The following ST8SIA5 variants were observed in gnomAD, a reference collection of about 807,000 sequenced individuals.
ST8SIA5 encodes alpha-2,8-sialyltransferase 8E.
A neutral mutation model predicts 40.2 loss-of-function variants in ST8SIA5; 24 were observed. The observed-to-expected ratio is 0.60, with a 90% CI of 0.43 to 0.84. The LOEUF (loss-of-function observed/expected upper bound fraction) is 0.84, where lower values mean the gene tolerates loss of function less well. ST8SIA5 is among the 40% of genes least tolerant of loss of function. The probability of loss-of-function intolerance (pLI) is 0.00; values close to 1 mark genes in which losing one functional copy is unlikely to be tolerated. For missense variants in ST8SIA5, 465 were observed against 498.5 expected (o/e 0.93, Z 0.64); for synonymous variants, 198 against 201.8 (o/e 0.98, Z 0.16).
At chr18:46,733,845 T>G (rs1036026405) in intron 1 of ST8SIA5, among the ~76,000 whole-genome samples, 1 of 152,082 alleles carries the variant, frequency 6.6e-6, no homozygotes, top group Non-Finnish European at 1.5e-5. Flanking sequence ...GGGCATCAGT[T>G]CATGGAAGAA....
At chr18:46,707,847 A>G (rs1289197386) in intron 1 of ST8SIA5, among the ~76,000 whole-genome samples, 3 of 152,292 alleles carry the variant, frequency 2.0e-5, no homozygotes, top group Non-Finnish European at 4.4e-5. Context: ...GCTGTTTATG[A>G]ACCAGGAAGT....
At position 46,674,667 on chromosome 18, in the gene ST8SIA5, GAC is replaced by G. The variant is rs1381236682; in HGVS notation, c.*5373_*5374del. On this transcript the variant is annotated 3_prime_UTR_variant, in exon 7 of 7. Transcript: ENST00000315087. ...GGGAGAAGGCAAACCTTCTATCAAG[GAC>G]ACACGGGCCCTTATGCTGTGTGCTG... 1 of 152,242 alleles carries G rather than the reference GAC, an allele frequency of 6.6e-6. No homozygotes were observed. The highest frequency in any genetic ancestry group is 1.5e-5 in the Non-Finnish European group (1 of 68,068). 9.4% of individuals were successfully genotyped at this position (152,242 alleles called of 1,614,324 possible).
At chr18:46,693,823 G>A (rs328114) in intron 2 of ST8SIA5, among the ~76,000 whole-genome samples, 32,934 of 152,074 alleles carry the variant, frequency 0.22, 4,067 homozygotes, top group Middle Eastern at 0.29. Context: ...TCTTTCAGCA[G>A]TGCCTAAGCT....
chr18:46,706,776 T>A (rs984458833), intron 1 of ST8SIA5, among the ~76,000 whole-genome samples: 1 of 152,174 alleles, frequency 6.6e-6, no homozygotes, highest in Non-Finnish European at 1.5e-5. Flanking sequence ...AGGGGAAGAA[T>A]GGCAAGGCTC....
chr18:46,682,825 A>T (rs1451030620), intron 5 of ST8SIA5, among the ~76,000 whole-genome samples: 8 of 152,306 alleles, frequency 5.3e-5, no homozygotes, highest in Admixed American at 2.0e-4. Context: ...AGAGAAAGAG[A>T]CTGAAAGATA....
rs1179535315 is a variant in ST8SIA5, at chr18:46,679,002, G to A, written c.*1040C>T. ...AGCCTCAGTGATGCTGGTGTCGGAG[G>A]CCACAACTCGTTTCTCTCTGCTAAG... On this transcript the variant is annotated 3_prime_UTR_variant, in exon 7 of 7. Coordinates refer to ENST00000315087, the MANE Select transcript of ST8SIA5 (RefSeq NM_013305.6). 3 of 152,288 alleles carry A rather than the reference G, an allele frequency of 2.0e-5. No homozygotes were observed. The highest frequency in any genetic ancestry group is 6.5e-5 in the Admixed American group (1 of 15,282). 9.4% of individuals were successfully genotyped at this position (152,288 alleles called of 1,614,324 possible).
At chr18:46,756,253 G>A in intron 1 of ST8SIA5, 125 bp downstream of exon 1, 1 of 1,378,368 alleles carries the variant, frequency 7.3e-7, no homozygotes, top group Non-Finnish European at 9.7e-7. Flanking sequence ...GCCATGCTCG[G>A]GGCTAGGAGC....
At chr18:46,683,215 C>A (rs1278666860) in intron 5 of ST8SIA5, among the ~76,000 whole-genome samples, 1 of 152,102 alleles carries the variant, frequency 6.6e-6, no homozygotes, top group East Asian at 1.9e-4. Context: ...AAGGAGCACA[C>A]CAGTTGATAC....
At position 46,704,593 on chromosome 18, in the gene ST8SIA5, A is replaced by C. The variant is rs1373497121; in HGVS notation, c.203T>G (p.Leu68Trp). The change falls in exon 2 of 7, where the codon TTG becomes TGG. Residue 68 changes from leucine (L) to tryptophan (W), a missense_variant. Physicochemically the swap from Leu to Trp is moderately conservative, Grantham distance 61. Transcript: ENST00000315087. ...TRCLELRHEI[L>W]EVKVLSMVKQ... Reference sequence around the variant, plus strand: ...TCACATGGACAGCACCTTCACTTCCAATATTTCGTGCCTCAGCTCCAGGCA... The same window carrying C: ...TCACATGGACAGCACCTTCACTTCCCATATTTCGTGCCTCAGCTCCAGGCA... 2 of 1,612,822 alleles carry C rather than the reference A, an allele frequency of 1.2e-6. No homozygotes were observed. The highest frequency in any genetic ancestry group is 1.7e-6 in the Non-Finnish European group (2 of 1,179,848).
rs1282774002 is a variant in ST8SIA5 at position 46,682,029 on chromosome 18, A to G, written c.605T>C (p.Met202Thr). 1 of 1,611,416 alleles carries G rather than the reference A, an allele frequency of 6.2e-7. No homozygotes were observed. The highest frequency in any genetic ancestry group is 8.5e-7 in the Non-Finnish European group (1 of 1,178,990). Residue 202 changes from methionine to threonine, a missense_variant, in exon 6 of 7, where the codon ATG (methionine) becomes ACG (threonine). Coordinates refer to ENST00000315087, the MANE Select transcript of ST8SIA5 (RefSeq NM_013305.6). The stretch of plus-strand genomic sequence containing the variant: ...CACATCCGTCTTCACCCCCACATCC[A>G]TGGTGTACTTCTCTGAGATGGGGGG... Reference protein sequence around the residue: ...NLPPISEKYTMDVGVKTDVVT... With the variant: ...NLPPISEKYTTDVGVKTDVVT...
At chr18:46,747,874 T>C (rs1202059413) in intron 1 of ST8SIA5, among the ~76,000 whole-genome samples, 1 of 152,182 alleles carries the variant, frequency 6.6e-6, no homozygotes. Flanking sequence ...ATATATACCA[T>C]GGAATACTAT....
chr18:46,739,199 G>T (rs1338521915), intron 1 of ST8SIA5, among the ~76,000 whole-genome samples: 1 of 152,126 alleles, frequency 6.6e-6, no homozygotes, highest in Non-Finnish European at 1.5e-5. Flanking sequence ...GCGGGTCGGA[G>T]GCAGCGTGGG....
chr18:46,700,797 A>C (rs532421386), intron 2 of ST8SIA5, among the ~76,000 whole-genome samples: 1 of 152,274 alleles, frequency 6.6e-6, no homozygotes, highest in South Asian at 2.1e-4. Flanking sequence ...AAATGTGGAG[A>C]GGCCCAAACA....
chr18:46,732,551 C>T (rs1201214113), intron 1 of ST8SIA5, among the ~76,000 whole-genome samples: 1 of 152,160 alleles, frequency 6.6e-6, no homozygotes, highest in African/African-American at 2.4e-5. Flanking sequence ...CCTGTCACCA[C>T]CCCCTCCCTC....
At chr18:46,688,092 G>A (rs1296140591) in intron 4 of ST8SIA5, among the ~76,000 whole-genome samples, 1 of 152,188 alleles carries the variant, frequency 6.6e-6, no homozygotes, top group Admixed American at 6.5e-5. Context: ...CAATGGCCAA[G>A]GTCAGTGATC....
chr18:46,742,755 C>A (rs1414510202), intron 1 of ST8SIA5, among the ~76,000 whole-genome samples: 2 of 152,182 alleles, frequency 1.3e-5, no homozygotes, highest in Non-Finnish European at 2.9e-5. Context: ...GACAGACTGC[C>A]TCCTCAAGGG....
At chr18:46,735,240 G>C (rs1473437844) in intron 1 of ST8SIA5, among the ~76,000 whole-genome samples, 1 of 152,228 alleles carries the variant, frequency 6.6e-6, no homozygotes, top group African/African-American at 2.4e-5. Context: ...TTGGGGACTT[G>C]GACTGGCTTC....
chr18:46,708,733 C>T lies in ST8SIA5; in HGVS notation c.132-4069G>A, dbSNP rs567217673. 7.7e-4 allele frequency among the ~76,000 whole-genome samples: 118 copies of T among 152,310 alleles called. 3 individuals carry two copies. The highest frequency in any genetic ancestry group is 3.6e-3 in the Admixed American group (55 of 15,302). ...TTCCTTTCCATGGAAATCCCAACGA[C>T]GGCTCTTGCCCACACTTCCCCCTCG... On this transcript the variant is annotated intron_variant, in intron 1 of 6. Transcript: ENST00000315087.
chr18:46,669,352 G>T lies in ST8SIA5; in HGVS notation c.*10690C>A, dbSNP rs1046122358. The T allele has an allele frequency of 1.3e-5, 2 of 152,222 alleles. No homozygotes were observed. The highest frequency in any genetic ancestry group is 4.8e-5 in the African/African-American group (2 of 41,444). The allele number at this position is 152,222 out of a possible 1,614,324, so 9.4% of individuals were successfully genotyped here. A position where few individuals can be genotyped will look rare whatever the true frequency, so the allele number is the denominator to read the frequency against. ...CCATCACCCACCATGGGTGCCCTGGGCACACCACGCTATCTTTCTGGGCCT... is the reference window on the plus strand; with the variant it reads ...CCATCACCCACCATGGGTGCCCTGGTCACACCACGCTATCTTTCTGGGCCT... On this transcript the variant is annotated 3_prime_UTR_variant, in exon 7 of 7. Coordinates refer to ENST00000315087, the MANE Select transcript of ST8SIA5 (RefSeq NM_013305.6).
Sources: allele counts gnomAD v4.1 joint callset (sites outside exome capture counted in the v4.1 genomes callset), GRCh38; gene constraint gnomAD v4.1.1; transcripts MANE v1.5; gene names NCBI Gene and HGNC (gene_info 2026-07-23, HGNC 2026-07-21).